TJP1: variants seen among roughly 807,000 people sequenced by gnomAD.
TJP1 encodes the protein tight junction protein 1.
A neutral mutation model predicts 194.2 loss-of-function variants in TJP1; 43 were observed. The observed-to-expected ratio is 0.22, with a 90% CI of 0.17 to 0.29. The LOEUF is 0.29. Ranked by LOEUF, TJP1 falls within the 10% of genes least tolerant of loss-of-function variation. The pLI is 1.00. For synonymous variants in TJP1, 801 were observed against 779.0 expected (o/e 1.03, Z -0.47); for missense variants, 1,971 against 2,185.7 (o/e 0.90, Z 1.96).
intron 2 of TJP1, among the ~76,000 whole-genome samples, chr15:29,835,486 T>C (rs556573689): frequency 6.6e-6 from 1 of 152,106 alleles, no homozygotes; most frequent in African/African-American, 2.4e-5. Context: ...ATATCCTGAA[T>C]GCAGCAAGGA....
chr15:29,834,483 G>A (rs2050960804), intron 2 of TJP1, among the ~76,000 whole-genome samples: 1 of 152,208 alleles, frequency 6.6e-6, no homozygotes, highest in African/African-American at 2.4e-5. Context: ...CTCCCAGAGT[G>A]CTGGGATTAC....
chr15:29,716,936 A>T, intron 22 of TJP1, 98 bp from the exon 23 acceptor site: 1 of 1,005,170 alleles, frequency 9.9e-7, no homozygotes, highest in East Asian at 2.5e-5. Context: ...AAGGTCAATA[A>T]TTACTAACTG....
At chr15:29,780,196 A>G (rs1243939524) in intron 2 of TJP1, among the ~76,000 whole-genome samples, 1 of 152,080 alleles carries the variant, frequency 6.6e-6, no homozygotes, top group Non-Finnish European at 1.5e-5. Context: ...TATTTCTATT[A>G]TGATTACACT....
chr15:29,834,516 G>A (rs531162055), intron 2 of TJP1, among the ~76,000 whole-genome samples: 34 of 152,314 alleles, frequency 2.2e-4, no homozygotes, highest in African/African-American at 6.7e-4. Context: ...CCGCACAGCC[G>A]GCCTGAGATG....
At position 29,963,728 on chromosome 15, in the gene TJP1, A is replaced by G. The variant is rs574277943; in HGVS notation, c.173+4939T>C. The stretch of plus-strand genomic sequence containing the variant: ...GGGTGCAGTGGCATGATCTCGGCTC[A>G]CTGCAACCTCCACCTCCTGGGTTCA... On this transcript the variant is annotated intron_variant, in intron 1 of 28. Coordinates refer to the TJP1 transcript ENST00000356107. 2.7e-4 allele frequency among the ~76,000 whole-genome samples: 41 copies of G among 152,242 alleles called. No individual in the cohort carries two copies. The South Asian group carries it at 7.7e-3, about 29-fold the overall frequency.
chr15:29,888,262 T>C (rs983290637), intron 2 of TJP1, among the ~76,000 whole-genome samples: 2 of 152,204 alleles, frequency 1.3e-5, no homozygotes, highest in East Asian at 3.9e-4. Flanking sequence ...TTTATATGTG[T>C]ATGTACATAT....
chr15:29,764,644 G>C (rs1476800440), intron 5 of TJP1, among the ~76,000 whole-genome samples: 5 of 152,162 alleles, frequency 3.3e-5, no homozygotes, highest in South Asian at 2.1e-4. Flanking sequence ...GGGAAAAAAA[G>C]AGAAGGCAAG....
In TJP1 at chr15:29,766,834, A is replaced by G. The variant is rs551129708; in HGVS notation, c.313-292T>C. Among the ~76,000 whole-genome samples, 8 of 152,304 alleles carry G rather than the reference A, an allele frequency of 5.3e-5. No homozygotes were observed. The East Asian group carries it at 1.4e-3, about 26-fold the overall frequency. ...CCTGGTGTAATAATCACAAGCTTAC[A>G]GGGAAACTAACAACTGTTGGTGGTT... On this transcript the variant is annotated intron_variant, in intron 4 of 27. Coordinates refer to ENST00000614355, the MANE Select transcript of TJP1 (RefSeq NM_001330239.4).
chr15:29,870,016 C>T (rs1441951351), intron 2 of TJP1, among the ~76,000 whole-genome samples: 1 of 151,488 alleles, frequency 6.6e-6, no homozygotes, highest in African/African-American at 2.4e-5. Context: ...ACCATGTTGG[C>T]CAGACTCACC....
chr15:29,783,183 A>G (rs910482280), intron 2 of TJP1, among the ~76,000 whole-genome samples: 6 of 152,176 alleles, frequency 3.9e-5, no homozygotes, highest in African/African-American at 1.4e-4. Flanking sequence ...CTGAGGCAGG[A>G]GAATCGTTTG....
At chr15:29,966,606 T>C (rs1458882431) in intron 1 of TJP1, among the ~76,000 whole-genome samples, 2 of 152,202 alleles carry the variant, frequency 1.3e-5, no homozygotes, top group East Asian at 1.9e-4. Flanking sequence ...TAAGAATCCA[T>C]TTATTCAACA....
chr15:29,949,140 C>CCACAACCAT, intron 2 of TJP1, among the ~76,000 whole-genome samples: 1 of 149,140 alleles, frequency 6.7e-6, no homozygotes. Flanking sequence ...TCCACCTCCA[C>CCACAACCAT]CTTCACCACC....
intron 2 of TJP1, among the ~76,000 whole-genome samples, chr15:29,911,959 G>C (rs902341495): frequency 1.3e-5 from 2 of 152,186 alleles, no homozygotes; most frequent in South Asian, 2.1e-4. Flanking sequence ...TGAGGAGAAA[G>C]ATGAGTGTCT....
chr15:29,953,970 T>C (rs1015139774), intron 2 of TJP1, among the ~76,000 whole-genome samples: 2 of 152,236 alleles, frequency 1.3e-5, no homozygotes, highest in East Asian at 3.8e-4. Flanking sequence ...AAGCCTTCTG[T>C]GAACCTCAAC....
chr15:29,958,843 T>G (rs748390698), intron 1 of TJP1, among the ~76,000 whole-genome samples: 10 of 152,210 alleles, frequency 6.6e-5, no homozygotes, highest in Non-Finnish European at 1.3e-4. Flanking sequence ...TTTCCTGGCT[T>G]CTTGTTCATA....
chr15:29,804,041 AC>A (rs996425223), intron 1 of TJP1, among the ~76,000 whole-genome samples: 3 of 151,690 alleles, frequency 2.0e-5, no homozygotes, highest in Non-Finnish European at 4.4e-5. Context: ...AAAAAAAAAA[AC>A]AAAAAACAGA....
intron 1 of TJP1, among the ~76,000 whole-genome samples, chr15:29,966,363 G>T (rs1390662283): frequency 1.3e-5 from 2 of 152,084 alleles, no homozygotes; most frequent in East Asian, 3.8e-4. Flanking sequence ...TATTAGCCGG[G>T]TGTGGTGGTA....
At position 29,700,586 on chromosome 15, in the gene TJP1, A is replaced by T. The variant is rs2041479002; in HGVS notation, c.*1009T>A. 2.5e-6 allele frequency: 1 copy of T among 397,198 alleles called. No individual in the cohort carries two copies. The highest frequency in any genetic ancestry group is 4.4e-6 in the Non-Finnish European group (1 of 225,478). 24.6% of individuals were successfully genotyped at this position (397,198 alleles called of 1,614,324 possible). ...ACGTGGTCTTGTTTATGTATAAAAA[A>T]GGTAAAGTTTATAAAAGTTAATTTA... On this transcript the variant is annotated 3_prime_UTR_variant, in exon 28 of 28. Coordinates refer to ENST00000614355, the MANE Select transcript of TJP1 (RefSeq NM_001330239.4).
chr15:29,906,980 T>C (rs538795032), intron 2 of TJP1, among the ~76,000 whole-genome samples: 8 of 152,324 alleles, frequency 5.3e-5, no homozygotes, highest in African/African-American at 1.9e-4. Context: ...GATTCTAATT[T>C]TGTTTTTAAA....
Sources: allele counts gnomAD v4.1 joint callset (sites outside exome capture counted in the v4.1 genomes callset), GRCh38; gene constraint gnomAD v4.1.1; transcripts MANE v1.5; gene names NCBI Gene and HGNC (gene_info 2026-07-23, HGNC 2026-07-21).